Variants in KLHDC2 observed in about 807,000 individuals in gnomAD.
KLHDC2 encodes kelch domain containing 2, also known as kelch domain-containing protein 2.
Under a neutral mutation model 62.3 loss-of-function variants are expected in KLHDC2, and 38 were observed. The ratio of observed to expected loss-of-function variants is 0.61; its 90% CI spans 0.47 to 0.80. The LOEUF (loss-of-function observed/expected upper bound fraction) is 0.80, where lower values mean the gene tolerates loss of function less well. Among genes scored for constraint, KLHDC2 ranks in the 30% least tolerant of loss-of-function variants. The probability of loss-of-function intolerance (pLI) is 0.00; values close to 1 mark genes in which losing one functional copy is unlikely to be tolerated. For missense variants in KLHDC2, 430 were observed against 495.3 expected (o/e 0.87, Z 1.25); for synonymous variants, 159 against 161.0 (o/e 0.99, Z 0.09).
intron 6 of KLHDC2, among the ~76,000 whole-genome samples, chr14:49,779,217 CTG>C (rs1253955645): frequency 1.3e-5 from 2 of 152,170 alleles, no homozygotes; most frequent in East Asian, 3.8e-4. Context: ...GATACTCAAA[CTG>C]TAATTAAATA....
chr14:49,771,678 ATG>A lies in KLHDC2; in HGVS notation c.233+8_233+9del, dbSNP rs779881723. 3 of 1,416,458 alleles carry A rather than the reference ATG, an allele frequency of 2.1e-6. No homozygotes were observed. The highest frequency in any genetic ancestry group is 3.0e-6 in the Non-Finnish European group (3 of 1,000,236). The allele number at this position is 1,416,458 out of a possible 1,614,324, so 87.7% of individuals were successfully genotyped here. A position where few individuals can be genotyped will look rare whatever the true frequency, so the allele number is the denominator to read the frequency against. ...CAACATGGAGACTGGAAGATGGTAA[ATG>A]TGGATATTATAAGGGGGACTAAAAA... On this transcript the variant is annotated splice_donor_region_variant and intron_variant, in intron 2 of 12. Coordinates refer to ENST00000298307, the MANE Select transcript of KLHDC2 (RefSeq NM_014315.3).
intron 1 of KLHDC2, among the ~76,000 whole-genome samples, chr14:49,771,244 G>A (rs1889657671): frequency 6.6e-6 from 1 of 152,070 alleles, no homozygotes; most frequent in African/African-American, 2.4e-5. Context: ...AGCTACTTAG[G>A]AGGCTGAGGC....
chr14:49,777,589 TA>T (rs11379959), intron 3 of KLHDC2, among the ~76,000 whole-genome samples: 39 of 144,266 alleles, frequency 2.7e-4, no homozygotes, highest in Admixed American at 2.8e-4. Flanking sequence ...CCCTGTCTCT[TA>T]AAAAAAAAAA....
intron 8 of KLHDC2, 108 bp from the exon 9 acceptor site, chr14:49,780,105 C>A: frequency 1.4e-6 from 1 of 735,586 alleles, no homozygotes; most frequent in Non-Finnish European, 2.3e-6. Context: ...CCTTTTTAAA[C>A]TTAAGGTCTC....
chr14:49,783,125 T>C lies in KLHDC2; in HGVS notation c.*172T>C, dbSNP rs1889990421. On this transcript the variant is annotated 3_prime_UTR_variant, in exon 13 of 13. Coordinates refer to ENST00000298307, the MANE Select transcript of KLHDC2 (RefSeq NM_014315.3). The stretch of plus-strand genomic sequence containing the variant: ...TTTTGTGTCTAAAGTTTACAATAAA[T>C]GTATTTAACACCAGTAGCTGTCCTC... 3.9e-6 allele frequency: 2 copies of C among 514,512 alleles called. No individual in the cohort carries two copies. The highest frequency in any genetic ancestry group is 6.6e-6 in the Non-Finnish European group (2 of 304,404). The allele number at this position is 514,512 out of a possible 1,614,324, so 31.9% of individuals were successfully genotyped here.
At chr14:49,768,694 A>AG (rs2139786171) in intron 1 of KLHDC2, 73 bp downstream of exon 1, 1 of 1,389,140 alleles carries the variant, frequency 7.2e-7, no homozygotes, top group East Asian at 2.9e-5. Flanking sequence ...CCAGGCGGGG[A>AG]GGCCAGAGCG....
intron 8 of KLHDC2, 152 bp from the exon 9 acceptor site, chr14:49,780,061 T>A: frequency 1.6e-6 from 1 of 629,372 alleles, no homozygotes; most frequent in South Asian, 2.0e-5. Flanking sequence ...AAAGAAAATA[T>A]TTCAGTATAA....
chr14:49,771,516 C>T, intron 1 of KLHDC2, 78 bp from the exon 2 acceptor site: 1 of 696,102 alleles, frequency 1.4e-6, no homozygotes, highest in Non-Finnish European at 2.6e-6. Context: ...AAATTAGTAT[C>T]TCAAGATCGA....
chr14:49,771,753 A>C, intron 2 of KLHDC2, 80 bp downstream of exon 2: 2 of 765,370 alleles, frequency 2.6e-6, no homozygotes, highest in Non-Finnish European at 4.6e-6. Context: ...CTATAATCCC[A>C]GCACTTTGGG....
In KLHDC2 at chr14:49,779,462, T is replaced by C; in HGVS notation, c.634-133T>C. The C allele has an allele frequency of 5.1e-6, 3 of 591,554 alleles. 1 individual carries two copies. The South Asian group carries it at 7.7e-5, about 15-fold the overall frequency. 36.6% of individuals were successfully genotyped at this position (591,554 alleles called of 1,614,324 possible). ...TGGTAGTCAGCTTGTAGTACAACTGTTGTCTAGAAGTCTACACTCCCAACT... is the reference window on the plus strand; with the variant it reads ...TGGTAGTCAGCTTGTAGTACAACTGCTGTCTAGAAGTCTACACTCCCAACT... On this transcript the variant is annotated intron_variant, in intron 6 of 12. Coordinates refer to ENST00000298307, the MANE Select transcript of KLHDC2 (RefSeq NM_014315.3).
chr14:49,777,655 G>C (rs547465466), intron 3 of KLHDC2, 184 bp from the exon 4 acceptor site: 1 of 445,956 alleles, frequency 2.2e-6, no homozygotes, highest in Non-Finnish European at 4.0e-6. Context: ...AGTGACTTAG[G>C]AAGTTGGTAT....
chr14:49,778,082 T>C, intron 4 of KLHDC2, 96 bp from the exon 5 acceptor site: 3 of 933,358 alleles, frequency 3.2e-6, no homozygotes, highest in Non-Finnish European at 5.1e-6. Context: ...ACTGAATTAA[T>C]ACATGAAAGC....
rs754736812 is a variant in KLHDC2 at position 49,782,910 on chromosome 14, G to GTGTT, written c.1179_1182dup (p.Asn395CysfsTer2). On this transcript the variant is annotated frameshift_variant, in exon 13 of 13. Transcript: ENST00000298307. LOFTEE classifies it high-confidence loss of function. The stretch of plus-strand genomic sequence containing the variant: ...TGCCTTCCAAAACACTTACTTCACA[G>GTGTT]TGTTAATCAGAGGTTTGGTAGTAAC... 4.7e-5 allele frequency: 76 copies of GTGTT among 1,613,764 alleles called. No homozygotes were observed. The highest frequency in any genetic ancestry group is 6.2e-5 in the Non-Finnish European group (73 of 1,179,790).
intron 1 of KLHDC2, chr14:49,768,851 G>A: frequency 2.0e-6 from 1 of 496,872 alleles, no homozygotes; most frequent in Admixed American, 4.2e-5. Context: ...TGTCACCCTG[G>A]TGCTCACAAA....
At position 49,780,195 on chromosome 14, in the gene KLHDC2, C is replaced by T; in HGVS notation, c.774-18C>T. ...CTGCTTCTAAATGCAGATATTGTAA[C>T]TTAGCTATTATTTTCAGAATTCCAC... is the stretch of plus-strand genomic sequence containing the variant. On this transcript the variant is annotated intron_variant, in intron 8 of 12. Transcript: ENST00000298307. The T allele has an allele frequency of 6.9e-7, 1 of 1,448,814 alleles. No individual in the cohort carries two copies. Among genetic ancestry groups the T allele is most frequent in the Non-Finnish European group, 9.7e-7 (1 of 1,030,810 alleles). The allele number at this position is 1,448,814 out of a possible 1,614,324, so 89.7% of individuals were successfully genotyped here. A position where few individuals can be genotyped will look rare whatever the true frequency, so the allele number is the denominator to read the frequency against.
chr14:49,782,639 T>A, intron 12 of KLHDC2, 45 bp downstream of exon 12: 7 of 1,508,024 alleles, frequency 4.6e-6, no homozygotes, highest in Non-Finnish European at 6.3e-6. Flanking sequence ...AAAATTGTGT[T>A]TCCTAAGACT....
intron 2 of KLHDC2, 68 bp from the exon 3 acceptor site, chr14:49,774,487 TAGAAGA>T: frequency 1.1e-6 from 1 of 917,610 alleles, no homozygotes. Flanking sequence ...AGGATATAAG[TAGAAGA>T]AGAAAAATTA....
At chr14:49,779,323 T>C (rs1432132138) in intron 6 of KLHDC2, among the ~76,000 whole-genome samples, 1 of 152,216 alleles carries the variant, frequency 6.6e-6, no homozygotes, top group Non-Finnish European at 1.5e-5. Flanking sequence ...TTGACGCAGA[T>C]ATTATATAAT....
intron 1 of KLHDC2, among the ~76,000 whole-genome samples, chr14:49,770,985 C>A (rs902609449): frequency 1.3e-5 from 2 of 152,204 alleles, no homozygotes; most frequent in African/African-American, 4.8e-5. Context: ...CACAGGCAGT[C>A]TCCTGAAGTC....
Sources: gnomAD v4.1 joint callset for allele counts (sites outside exome capture counted in the v4.1 genomes callset) on GRCh38, gnomAD v4.1.1 for gene constraint, MANE v1.5 for transcripts, NCBI Gene and HGNC (gene_info 2026-07-23, HGNC 2026-07-21) for gene names.